The following UBE2F variants were observed in gnomAD, a reference collection of about 807,000 sequenced individuals.
UBE2F encodes NEDD8-conjugating enzyme UBE2F.
UBE2F carries 5 observed loss-of-function variants against 29.6 expected under a neutral mutation model. That is an observed-to-expected ratio of 0.17 (90% CI 0.09 to 0.36). The LOEUF (loss-of-function observed/expected upper bound fraction) is 0.36, where lower values mean the gene tolerates loss of function less well. UBE2F is among the 10% of genes least tolerant of loss of function. The pLI is 1.00. For synonymous variants in UBE2F, 66 were observed against 81.8 expected (o/e 0.81, Z 1.04); for missense variants, 141 against 228.5 (o/e 0.62, Z 2.47).
rs1376590941 is a variant in UBE2F at position 238,025,431 on chromosome 2, C to G, written c.353+19C>G. ...GTCTGAGGTGAGTTTATTGTCTTTT[C>G]TTTCTTCTACATTCGTGAGTGTCAT... On this transcript the variant is annotated intron_variant, in intron 6 of 9. Transcript: ENST00000272930. The G allele has an allele frequency of 6.2e-7, 1 of 1,603,234 alleles. No homozygotes were observed. The highest frequency in any genetic ancestry group is 2.2e-5 in the East Asian group (1 of 44,788).
At chr2:238,029,846 A>G (rs1045782494) in intron 6 of UBE2F, among the ~76,000 whole-genome samples, 1 of 152,202 alleles carries the variant, frequency 6.6e-6, no homozygotes, top group African/African-American at 2.4e-5. Context: ...TTAATGGCAC[A>G]GCACCTAGGA....
intron 3 of UBE2F, among the ~76,000 whole-genome samples, chr2:237,992,763 A>G (rs1361344164): frequency 6.6e-6 from 1 of 152,174 alleles, no homozygotes; most frequent in African/African-American, 2.4e-5. Flanking sequence ...ATGTCTCCTA[A>G]TTGAGGACGT....
At chr2:238,001,573 T>C (rs2063794234) in intron 4 of UBE2F, among the ~76,000 whole-genome samples, 1 of 152,092 alleles carries the variant, frequency 6.6e-6, no homozygotes, top group South Asian at 2.1e-4. Context: ...ATGCCAGCAT[T>C]TTGGGAGGCC....
At chr2:238,030,533 C>A in intron 6 of UBE2F, 23 bp from the exon 7 acceptor site, 1 of 1,605,284 alleles carries the variant, frequency 6.2e-7, no homozygotes, top group Non-Finnish European at 8.5e-7. Flanking sequence ...CCTCACTAAC[C>A]ACTGTGTGTT....
Position 237,967,584 on chromosome 2 carries a change from C to G in UBE2F, c.-17+452C>G, listed in dbSNP as rs114877479. Among the ~76,000 whole-genome samples the G allele has an allele frequency of 0.02, 3,034 of 152,216 alleles. 97 individuals carry two copies. Among genetic ancestry groups the G allele is most frequent in the African/African-American group, 0.07 (2,899 of 41,544 alleles). On this transcript the variant is annotated intron_variant, in intron 1 of 9. Transcript: ENST00000272930. The surrounding 1 kb of genome is among the most constrained non-coding windows in gnomAD (Gnocchi z 6.3). ...CACCGGCCCGACGTGGCCGCAGAAA[C>G]CGGGACTGGACTCCCGATCGGGGCA...
At chr2:237,978,308 A>C (rs1490016812) in intron 2 of UBE2F, among the ~76,000 whole-genome samples, 1 of 152,152 alleles carries the variant, frequency 6.6e-6, no homozygotes, top group Non-Finnish European at 1.5e-5. Flanking sequence ...TGCCTTGCTC[A>C]CCTGTGATGT....
intron 1 of UBE2F, among the ~76,000 whole-genome samples, chr2:237,968,094 GA>G (rs1235754144): frequency 1.3e-5 from 2 of 152,164 alleles, no homozygotes; most frequent in Non-Finnish European, 2.9e-5. Context: ...GAAGCTTCTG[GA>G]AATGAACAGG....
intron 4 of UBE2F, among the ~76,000 whole-genome samples, chr2:237,996,361 C>T (rs1368165363): frequency 1.3e-5 from 2 of 152,132 alleles, no homozygotes; most frequent in Non-Finnish European, 2.9e-5. Context: ...CAAGCATGGG[C>T]TTTGTGGTCC....
intron 2 of UBE2F, 27 bp downstream of exon 2, chr2:237,973,252 TTA>T: frequency 6.2e-7 from 1 of 1,600,218 alleles, no homozygotes; most frequent in Admixed American, 1.7e-5. Flanking sequence ...TGAACTGTTT[TTA>T]TATCCTATAA....
intron 2 of UBE2F, among the ~76,000 whole-genome samples, chr2:237,976,869 C>T (rs2063291294): frequency 2.0e-5 from 3 of 152,186 alleles, no homozygotes; most frequent in Admixed American, 2.0e-4. Flanking sequence ...TGCTGAGACT[C>T]AGGTTAAGAA....
intron 2 of UBE2F, among the ~76,000 whole-genome samples, chr2:237,986,793 T>G (rs1219337855): frequency 6.6e-6 from 1 of 152,240 alleles, no homozygotes; most frequent in East Asian, 1.9e-4. Context: ...GGTGTTTTCT[T>G]GGTACCTGTG....
At chr2:237,986,228 C>T (rs546547002) in intron 2 of UBE2F, 4 of 314,454 alleles carry the variant, frequency 1.3e-5, no homozygotes, top group African/African-American at 4.9e-5. Flanking sequence ...CGGCTTACTG[C>T]AGCCTCGACT....
chr2:237,990,362 T>C (rs1017624984), intron 3 of UBE2F: 23 of 451,014 alleles, frequency 5.1e-5, no homozygotes, highest in Non-Finnish European at 8.6e-5. Flanking sequence ...CATCTTATCT[T>C]CCCACAGGCC....
chr2:237,993,688 A>C (rs1038466313), intron 3 of UBE2F, among the ~76,000 whole-genome samples: 3 of 152,220 alleles, frequency 2.0e-5, no homozygotes, highest in Non-Finnish European at 4.4e-5. Context: ...CCTCCAGTCC[A>C]GGCAACAGAG....
chr2:237,983,609 T>C (rs1335899218), intron 2 of UBE2F, among the ~76,000 whole-genome samples: 3 of 152,104 alleles, frequency 2.0e-5, no homozygotes, highest in Non-Finnish European at 2.9e-5. Flanking sequence ...GTGAGCATTC[T>C]GGCCTCCATT....
intron 4 of UBE2F, among the ~76,000 whole-genome samples, chr2:238,013,474 G>A (rs2064086518): frequency 6.6e-6 from 1 of 150,730 alleles, no homozygotes; most frequent in Non-Finnish European, 1.5e-5. Flanking sequence ...TTCTAGTACA[G>A]GGGGAGATGG....
chr2:238,013,223 A>G (rs2064080555), intron 4 of UBE2F, among the ~76,000 whole-genome samples: 1 of 152,124 alleles, frequency 6.6e-6, no homozygotes, highest in African/African-American at 2.4e-5. Flanking sequence ...TGAGCTGTGC[A>G]CCCCAGCCTG....
At chr2:237,979,477 C>T (rs754291181) in intron 2 of UBE2F, among the ~76,000 whole-genome samples, 2 of 152,230 alleles carry the variant, frequency 1.3e-5, no homozygotes, top group Non-Finnish European at 2.9e-5. Flanking sequence ...TCCAGCGTGT[C>T]CTGGCGCGGA....
chr2:238,024,605 A>G (rs1326830319), intron 5 of UBE2F, among the ~76,000 whole-genome samples: 3 of 152,046 alleles, frequency 2.0e-5, no homozygotes, highest in Non-Finnish European at 2.9e-5. Context: ...CGACCTCCCA[A>G]AGTGCTGAGA....
Sources: allele counts gnomAD v4.1 joint callset (sites outside exome capture counted in the v4.1 genomes callset), GRCh38; gene constraint gnomAD v4.1.1; non-coding constraint Gnocchi (gnomAD v3.1); transcripts MANE v1.5; gene names NCBI Gene and HGNC (gene_info 2026-07-23, HGNC 2026-07-21).